Variants in ADGRL3 observed in about 807,000 individuals in gnomAD.
The protein encoded by ADGRL3 is calcium-independent alpha-latrotoxin receptor 3.
In ADGRL3, 62 loss-of-function variants were observed where a neutral mutation model predicts 153.5. The ratio of observed to expected loss-of-function variants is 0.40; its 90% CI spans 0.33 to 0.50. ADGRL3 has a LOEUF of 0.50. Among genes scored for constraint, ADGRL3 ranks in the 20% least tolerant of loss-of-function variants. The pLI, the probability that ADGRL3 is intolerant of heterozygous loss-of-function variation, is 0.47. For missense variants in ADGRL3, 1,641 were observed against 1,859.4 expected (o/e 0.88, Z 2.16); for synonymous variants, 710 against 672.5 (o/e 1.06, Z -0.86).
intron 25 of ADGRL3, among the ~76,000 whole-genome samples, chr4:62,046,015 A>G (rs1429321327): frequency 6.6e-6 from 1 of 151,944 alleles, no homozygotes; most frequent in African/African-American, 2.4e-5. Flanking sequence ...AATCATAAAG[A>G]ACAAATTACT....
intron 4 of ADGRL3, among the ~76,000 whole-genome samples, chr4:61,532,960 C>T (rs543507946): frequency 2.0e-5 from 3 of 152,138 alleles, no homozygotes; most frequent in African/African-American, 7.2e-5. Context: ...CAGCTTCTTT[C>T]TTTTAGATAT....
chr4:61,954,246 C>T (rs2098957936), intron 17 of ADGRL3, among the ~76,000 whole-genome samples: 2 of 151,966 alleles, frequency 1.3e-5, no homozygotes, highest in African/African-American at 4.8e-5. Context: ...TGTTTATTTT[C>T]ATTCATACTG....
chr4:61,732,753 G>T lies in ADGRL3; in HGVS notation c.599-1G>T. 6.7e-7 allele frequency: 1 copy of T among 1,493,994 alleles called. No individual in the cohort carries two copies. 92.5% of individuals were successfully genotyped at this position (1,493,994 alleles called of 1,614,324 possible). On this transcript the variant is annotated splice_acceptor_variant, in intron 7 of 26. Transcript: ENST00000683033. LOFTEE classifies it high-confidence loss of function. ...TATTTTAACTGTTTCCCTTCCAACAGTTTTTCTTTGTCCTGGACTACTAAA... is the reference window on the plus strand; with the variant it reads ...TATTTTAACTGTTTCCCTTCCAACATTTTTTCTTTGTCCTGGACTACTAAA...
intron 25 of ADGRL3, among the ~76,000 whole-genome samples, chr4:62,052,033 G>A (rs1202520315): frequency 6.6e-6 from 1 of 151,478 alleles, no homozygotes; most frequent in Non-Finnish European, 1.5e-5. Context: ...TAGTGTGTGT[G>A]TAGTCATTTG....
intron 1 of ADGRL3, among the ~76,000 whole-genome samples, chr4:61,350,796 C>T (rs2096029400): frequency 1.3e-5 from 2 of 152,118 alleles, no homozygotes; most frequent in Admixed American, 6.5e-5. Flanking sequence ...CATGTCCTGG[C>T]TGCTCCTTGA....
intron 17 of ADGRL3, among the ~76,000 whole-genome samples, chr4:61,969,552 T>A (rs1337202549): frequency 6.6e-6 from 1 of 152,176 alleles, no homozygotes; most frequent in Non-Finnish European, 1.5e-5. Flanking sequence ...TTTGGTATTA[T>A]AGTCATACTC....
intron 6 of ADGRL3, among the ~76,000 whole-genome samples, chr4:61,725,939 A>G (rs1022922003): frequency 6.6e-6 from 1 of 152,146 alleles, no homozygotes; most frequent in Admixed American, 6.5e-5. Flanking sequence ...TAAATACAAT[A>G]TCACATTGTT....
chr4:61,748,685 C>T (rs187215428), intron 8 of ADGRL3, among the ~76,000 whole-genome samples: 2,372 of 152,152 alleles, frequency 0.016, 57 homozygotes, highest in African/African-American at 0.049. Context: ...GGATCACTTC[C>T]TTACACCTTA....
intron 2 of ADGRL3, among the ~76,000 whole-genome samples, chr4:61,430,472 C>A (rs1456870): frequency 0.39 from 59,558 of 151,716 alleles, 12,191 homozygotes; most frequent in Middle Eastern, 0.57. Flanking sequence ...TTTAAAGTAC[C>A]ACCACTGTAC....
At chr4:61,250,803 A>C (rs1758935750) in intron 1 of ADGRL3, among the ~76,000 whole-genome samples, 1 of 152,186 alleles carries the variant, frequency 6.6e-6, no homozygotes, top group Admixed American at 6.6e-5. Context: ...GCTGTTGGTA[A>C]GGTCACTTAA....
At chr4:61,670,289 C>G (rs1003475895) in intron 5 of ADGRL3, among the ~76,000 whole-genome samples, 2 of 151,890 alleles carry the variant, frequency 1.3e-5, no homozygotes, top group South Asian at 4.1e-4. Flanking sequence ...CAAGACTTCT[C>G]TCAAAAATAT....
chr4:61,362,071 C>A (rs1252044818), intron 1 of ADGRL3, among the ~76,000 whole-genome samples: 1 of 150,778 alleles, frequency 6.6e-6, no homozygotes, highest in African/African-American at 2.4e-5. Context: ...GGCATAATCT[C>A]TACTCACTGC....
intron 17 of ADGRL3, among the ~76,000 whole-genome samples, chr4:61,957,625 A>C (rs924986086): frequency 6.6e-6 from 1 of 151,156 alleles, no homozygotes; most frequent in Non-Finnish European, 1.5e-5. Flanking sequence ...GCTGGAGGTT[A>C]CATTTATATA....
At chr4:61,752,200 G>A (rs2152069493) in intron 8 of ADGRL3, among the ~76,000 whole-genome samples, 1 of 152,146 alleles carries the variant, frequency 6.6e-6, no homozygotes, top group Non-Finnish European at 1.5e-5. Flanking sequence ...AGATTAACAA[G>A]AATAAAGAAT....
At chr4:61,656,169 A>G (rs1449599126) in intron 5 of ADGRL3, among the ~76,000 whole-genome samples, 1 of 152,222 alleles carries the variant, frequency 6.6e-6, no homozygotes, top group East Asian at 1.9e-4. Context: ...TCAGTAGACA[A>G]TAACACATAT....
At chr4:61,500,029 C>CAGAG (rs10673228) in intron 3 of ADGRL3, among the ~76,000 whole-genome samples, 11,558 of 140,422 alleles carry the variant, frequency 0.082, 507 homozygotes, top group African/African-American at 0.098. Context: ...CACACAGAAA[C>CAGAG]AGAGAGAGAG....
At chr4:61,578,681 A>G (rs1047210647) in intron 4 of ADGRL3, among the ~76,000 whole-genome samples, 1 of 151,980 alleles carries the variant, frequency 6.6e-6, no homozygotes, top group African/African-American at 2.4e-5. Context: ...TGCCTGAAGT[A>G]TTTTACTATC....
At chr4:61,680,758 T>C (rs915254585) in intron 6 of ADGRL3, among the ~76,000 whole-genome samples, 1 of 152,072 alleles carries the variant, frequency 6.6e-6, no homozygotes, top group African/African-American at 2.4e-5. Flanking sequence ...AGAGTTAGTT[T>C]TTAAACTGTT....
chr4:61,774,070 A>AT (rs1466986783), intron 8 of ADGRL3, among the ~76,000 whole-genome samples: 13 of 152,080 alleles, frequency 8.5e-5, no homozygotes. Context: ...AATATTCAGG[A>AT]AACAGGCCGG....
Sources: allele counts gnomAD v4.1 joint callset (sites outside exome capture counted in the v4.1 genomes callset), GRCh38; gene constraint gnomAD v4.1.1; transcripts MANE v1.5; gene names NCBI Gene and HGNC (gene_info 2026-07-23, HGNC 2026-07-21).